SPTA1: variants seen among roughly 807,000 people sequenced by gnomAD.
SPTA1 encodes the protein spectrin alpha chain, erythrocytic 1.
In SPTA1, 177 loss-of-function variants were observed where a neutral mutation model predicts 324.7. The ratio of observed to expected loss-of-function variants is 0.55; its 90% confidence interval spans 0.48 to 0.62. SPTA1 has a LOEUF of 0.62. Ranked by LOEUF, SPTA1 falls within the 20% of genes least tolerant of loss-of-function variation. The pLI is 0.00. For missense variants in SPTA1, 3,162 were observed against 2,883.6 expected, an observed-to-expected ratio of 1.10 and a Z score of -2.21; for synonymous variants, 1,195 against 1,041.3, an observed-to-expected ratio of 1.15 and a Z score of -2.84.
At position 158,669,712 on chromosome 1, in the gene SPTA1, G is replaced by A. The variant is rs780161347; in HGVS notation, c.1674C>T (p.Asp558=). ...AGCTCTAGGCCCTTGGACATACCCC[G>A]TCACGGATAGCCTTGATGTTCTCTG... ...YDSENIKAIR[D]GLLARRDALR... is the part of the protein sequence containing the mutation. The change falls in exon 13 of 52, where the codon GAC becomes GAT. Residue 558 remains aspartate, a synonymous_variant. Transcript: ENST00000643759. The A allele has an allele frequency of 4.6e-5, 74 of 1,613,914 alleles. No homozygotes were observed. Among genetic ancestry groups the A allele is most frequent in the East Asian group, 4.5e-4 (20 of 44,886 alleles).
intron 27 of SPTA1, among the ~76,000 whole-genome samples, chr1:158,647,232 CAT>C (rs1241103558): frequency 6.6e-6 from 1 of 152,082 alleles, no homozygotes; most frequent in East Asian, 1.9e-4. Flanking sequence ...TATGTTCTAC[CAT>C]AGTTATTTGT....
rs368353669 is a variant in SPTA1, at chr1:158,648,369, T to C, written c.3714+140A>G. 3.5e-5 allele frequency: 44 copies of C among 1,260,504 alleles called. 1 individual carries two copies. The highest frequency in any genetic ancestry group is 2.8e-4 in the South Asian group (22 of 79,852). The allele number at this position is 1,260,504 out of a possible 1,614,324, so 78.1% of individuals were successfully genotyped here. A position where few individuals can be genotyped will look rare whatever the true frequency, so the allele number is the denominator to read the frequency against. ...TTTCATGGTCTTGCCTTAGGGACAGTGTACAAGAATAAATATGGCACAGAA... is the reference window on the plus strand; with the variant it reads ...TTTCATGGTCTTGCCTTAGGGACAGCGTACAAGAATAAATATGGCACAGAA... On this transcript the variant is annotated intron_variant, in intron 26 of 51. Transcript: ENST00000643759.
rs201568233 is a variant in SPTA1, at chr1:158,685,272, G to A, written c.100C>T (p.Arg34Trp). ...ACCCGCTCCTTGAAACTTTGATACC[G>A]AGTCAACACTTCCTGACGCCTCTCC... ...IQERRQEVLT[R>W]YQSFKERVAE... is the part of the protein sequence containing the mutation. The change falls in exon 2 of 52, where the codon CGG becomes TGG. Residue 34 changes from arginine to tryptophan, a missense_variant. Coordinates refer to ENST00000643759, the MANE Select transcript of SPTA1 (RefSeq NM_003126.4). 9 of 1,613,586 alleles carry A rather than the reference G, an allele frequency of 5.6e-6. No homozygotes were observed. The East Asian group carries it at 6.7e-5, about 12-fold the overall frequency.
chr1:158,625,390 GTATT>G (rs1173542932), intron 42 of SPTA1, among the ~76,000 whole-genome samples: 1 of 151,966 alleles, frequency 6.6e-6, no homozygotes, highest in African/African-American at 2.4e-5. Context: ...AAATAATGAA[GTATT>G]TAAACAACAT....
chr1:158,615,687 TTCTA>T (rs1410560298), intron 47 of SPTA1, among the ~76,000 whole-genome samples: 29 of 143,598 alleles, frequency 2.0e-4, no homozygotes, highest in Non-Finnish European at 2.8e-4. Context: ...TATATATTCT[TTCTA>T]TCTATCATCT....
intron 21 of SPTA1, 88 bp from the exon 22 acceptor site, chr1:158,653,513 G>A (rs1652613911): frequency 1.9e-6 from 3 of 1,575,654 alleles, no homozygotes; most frequent in Non-Finnish European, 1.7e-6. Flanking sequence ...TCTTGGCCCA[G>A]GCACAGGTTA....
chr1:158,634,358 C>G (rs1650902738), intron 39 of SPTA1, among the ~76,000 whole-genome samples, 185 bp downstream of exon 39: 2 of 152,204 alleles, frequency 1.3e-5, no homozygotes, highest in East Asian at 1.9e-4. Flanking sequence ...GTTCCGTAAT[C>G]TTGGGCAAGT....
rs1557938101 is a variant in SPTA1 at position 158,634,695 on chromosome 1, C to T, written c.5433-20G>A. 1 of 1,613,802 alleles carries T rather than the reference C, an allele frequency of 6.2e-7. No individual in the cohort carries two copies. Among genetic ancestry groups the T allele is most frequent in the Non-Finnish European group, 8.5e-7 (1 of 1,179,980 alleles). On this transcript the variant is annotated intron_variant, in intron 38 of 51. Transcript: ENST00000643759. ...AGTCCTCTATAACAAGGTGGCAAGC[C>T]CCAGTGAGGATAAGAACAAACTGGT...
chr1:158,636,550 C>A, intron 37 of SPTA1, 91 bp downstream of exon 37: 1 of 1,463,392 alleles, frequency 6.8e-7, no homozygotes, highest in South Asian at 1.1e-5. Context: ...ATCCTATTTT[C>A]ACGTTTTGTA....
rs1342159614 is a variant in SPTA1, at chr1:158,668,021, G to T, written c.1875C>A (p.Val625=). The part of the protein sequence containing the change: ...NLKSRVQKQQ[V]FEKELAVNKT... ...TATTAACTGCCAACTCCTTTTCAAA[G>T]ACTTGCTGCTTTTGAACCCTGCTCT... Residue 625 remains valine, a synonymous_variant, in exon 15 of 52, where the codon GTC becomes GTA. Transcript: ENST00000643759. 6.2e-7 allele frequency: 1 copy of T among 1,610,472 alleles called. No homozygotes were observed. Among genetic ancestry groups the T allele is most frequent in the Non-Finnish European group, 8.5e-7 (1 of 1,179,462 alleles).
Position 158,613,873 on chromosome 1 carries a change from G to T in SPTA1, c.6843-6C>A, listed in dbSNP as rs754990810. On this transcript the variant is annotated splice_polypyrimidine_tract_variant and splice_region_variant and intron_variant, in intron 49 of 51. Coordinates refer to ENST00000643759, the MANE Select transcript of SPTA1 (RefSeq NM_003126.4). ...TCAAATTCTCATCAAAGTGTCTAAA[G>T]GATAAAAAAAGAAAAAAAAATTTAT... is the stretch of plus-strand genomic sequence containing the variant. 5.6e-6 allele frequency: 9 copies of T among 1,612,488 alleles called. No individual in the cohort carries two copies. In the East Asian group the frequency reaches 2.0e-4, roughly 36 times the overall value.
chr1:158,614,717 T>C (rs2101748573), intron 48 of SPTA1: 1 of 194,632 alleles, frequency 5.1e-6, no homozygotes, highest in East Asian at 1.4e-4. Flanking sequence ...AATTATTTAT[T>C]ATCAGACCAT....
chr1:158,617,632 TC>T, intron 46 of SPTA1, 44 bp from the exon 47 acceptor site: 1 of 1,539,528 alleles, frequency 6.5e-7, no homozygotes, highest in Non-Finnish European at 9.0e-7. Flanking sequence ...ACATCACAGG[TC>T]AATATTTCAT....
chr1:158,625,190 A>G (rs1650191594), intron 42 of SPTA1, among the ~76,000 whole-genome samples: 1 of 152,228 alleles, frequency 6.6e-6, no homozygotes, highest in South Asian at 2.1e-4. Flanking sequence ...AAAAAGTGGA[A>G]ATAGATATTT....
At chr1:158,680,407 T>C (rs138221686) in intron 5 of SPTA1, among the ~76,000 whole-genome samples, 176 bp downstream of exon 5, 1 of 152,116 alleles carries the variant, frequency 6.6e-6, no homozygotes, top group Non-Finnish European at 1.5e-5. Context: ...AATAGACTTG[T>C]AAGGGGTGGG....
Position 158,669,429 on chromosome 1 carries a change from C to T in SPTA1, c.1812G>A (p.Leu604=), listed in dbSNP as rs1244353389. Residue 604 remains leucine, a synonymous_variant, in exon 14 of 52, where the codon TTG becomes TTA. Coordinates refer to ENST00000643759, the MANE Select transcript of SPTA1 (RefSeq NM_003126.4). The part of the protein sequence containing the change: ...LKNWINKKKK[L]ADDEDYKDIQ... Reference sequence around the variant, plus strand: ...CTACCTTGTAATCTTCATCATCTGCCAACTTTTTCTTCTTGTTGATCCAGT... The same window carrying T: ...CTACCTTGTAATCTTCATCATCTGCTAACTTTTTCTTCTTGTTGATCCAGT... The T allele has an allele frequency of 6.2e-7, 1 of 1,614,100 alleles. No individual in the cohort carries two copies. Among genetic ancestry groups the T allele is most frequent in the South Asian group, 1.1e-5 (1 of 91,076 alleles).
At chr1:158,654,826 C>T (rs568803208) in intron 20 of SPTA1, 78 bp from the exon 21 acceptor site, 2 of 1,594,532 alleles carry the variant, frequency 1.3e-6, no homozygotes, top group Admixed American at 1.7e-5. Context: ...GTGAGTAGTC[C>T]TTTAGGCTTC....
At chr1:158,671,306 G>C (rs370979979) in intron 12 of SPTA1, 37 bp downstream of exon 12, 5 of 1,479,190 alleles carry the variant, frequency 3.4e-6, no homozygotes. Flanking sequence ...TGTATACAGA[G>C]AGGGAGCCAA....
chr1:158,648,371 T>C lies in SPTA1; in HGVS notation c.3714+138A>G, dbSNP rs897847441. 49 of 1,307,020 alleles carry C rather than the reference T, an allele frequency of 3.7e-5. No homozygotes were observed. In the African/African-American group the frequency reaches 6.4e-4, roughly 17 times the overall value. The allele number at this position is 1,307,020 out of a possible 1,614,324, so 81.0% of individuals were successfully genotyped here. A position where few individuals can be genotyped will look rare whatever the true frequency, so the allele number is the denominator to read the frequency against. On this transcript the variant is annotated intron_variant, in intron 26 of 51. Coordinates refer to ENST00000643759, the MANE Select transcript of SPTA1 (RefSeq NM_003126.4). ...TCATGGTCTTGCCTTAGGGACAGTG[T>C]ACAAGAATAAATATGGCACAGAACA...
Sources: allele counts gnomAD v4.1 joint callset (sites outside exome capture counted in the v4.1 genomes callset), GRCh38; gene constraint gnomAD v4.1.1; transcripts MANE v1.5; gene names NCBI Gene and HGNC (gene_info 2026-07-23, HGNC 2026-07-21).